CSMD1: variants seen among roughly 807,000 people sequenced by gnomAD.
CSMD1 encodes the protein CUB and Sushi multiple domains 1, also known as CUB and sushi domain-containing protein 1.
A neutral mutation model predicts 417.5 loss-of-function variants in CSMD1; 213 were observed. The observed-to-expected ratio is 0.51, with a 90% confidence interval of 0.46 to 0.57. CSMD1 has a LOEUF of 0.57. Among genes scored for constraint, CSMD1 ranks in the 20% least tolerant of loss-of-function variants. CSMD1 has a pLI of 0.00. For missense variants in CSMD1, 6,923 were observed against 4,529.7 expected, an observed-to-expected ratio of 1.53 and a Z score of -15.17; for synonymous variants, 2,862 against 1,736.8, an observed-to-expected ratio of 1.65 and a Z score of -16.11.
Position 4,682,442 on chromosome 8 carries a change from AT to A in CSMD1, c.86-44885del, listed in dbSNP as rs971735774. ...TTCAAATTTCGATGATTTGCTATGA[AT>A]TTTTTTTCATAGGAATAATATTTCT... is the stretch of plus-strand genomic sequence containing the variant. On this transcript the variant is annotated intron_variant, in intron 1 of 69. Coordinates refer to ENST00000635120, the MANE Select transcript of CSMD1 (RefSeq NM_033225.6). Among the ~76,000 whole-genome samples, 4 of 152,120 alleles carry A rather than the reference AT, an allele frequency of 2.6e-5. No homozygotes were observed. In the East Asian group the frequency reaches 5.8e-4, roughly 22 times the overall value.
intron 2 of CSMD1, among the ~76,000 whole-genome samples, chr8:4,439,682 C>T (rs1407661101): frequency 6.6e-6 from 1 of 152,082 alleles, no homozygotes; most frequent in African/African-American, 2.4e-5. Flanking sequence ...AAAATGTGTG[C>T]TTATTAAAGG....
intron 1 of CSMD1, among the ~76,000 whole-genome samples, chr8:4,776,591 C>A (rs1048254398): frequency 1.4e-4 from 21 of 152,058 alleles, no homozygotes; most frequent in African/African-American, 4.8e-4. Flanking sequence ...CATAAACGTT[C>A]GCGTTCAATG....
At chr8:4,465,300 G>T (rs762536171) in intron 2 of CSMD1, among the ~76,000 whole-genome samples, 1 of 152,122 alleles carries the variant, frequency 6.6e-6, no homozygotes, top group Non-Finnish European at 1.5e-5. Flanking sequence ...CCAGACACTA[G>T]GATGTCTTGG....
intron 5 of CSMD1, among the ~76,000 whole-genome samples, chr8:3,913,055 C>A (rs1225505663): frequency 1.3e-5 from 2 of 152,142 alleles, no homozygotes; most frequent in East Asian, 1.9e-4. Flanking sequence ...AGCAGCAGGG[C>A]AACATGGCAG....
intron 1 of CSMD1, among the ~76,000 whole-genome samples, chr8:4,966,339 A>G (rs1239491711): frequency 6.6e-6 from 1 of 152,126 alleles, no homozygotes; most frequent in Admixed American, 6.5e-5. Context: ...AGATCACACC[A>G]TTGCACTCCA....
intron 5 of CSMD1, among the ~76,000 whole-genome samples, chr8:3,897,536 TAA>T (rs1807447229): frequency 6.6e-6 from 1 of 152,124 alleles, no homozygotes; most frequent in East Asian, 1.9e-4. Context: ...GTGTACACTA[TAA>T]GTTATATAAA....
At chr8:3,300,958 C>CAA (rs374180480) in intron 25 of CSMD1, among the ~76,000 whole-genome samples, 8,427 of 49,318 alleles carry the variant, frequency 0.17, 971 homozygotes, top group East Asian at 0.23. Context: ...GACTCTGTCT[C>CAA]AAAAAAAAAA....
intron 1 of CSMD1, among the ~76,000 whole-genome samples, chr8:4,894,989 C>T (rs1804381819): frequency 1.3e-5 from 2 of 152,156 alleles, no homozygotes; most frequent in South Asian, 2.1e-4. Context: ...TTCTGATCTA[C>T]TGCCTTCGGC....
In CSMD1 at chr8:3,321,432, G is replaced by A. The variant is rs1476443038; in HGVS notation, c.3632-12929C>T. Among the ~76,000 whole-genome samples, 3 of 152,112 alleles carry A rather than the reference G, an allele frequency of 2.0e-5. No individual in the cohort carries two copies. In the East Asian group the frequency reaches 5.8e-4, roughly 29 times the overall value. ...CCTACCCTGCATATTCCTCCTGAAG[G>A]CTCTTCCTCCTCCCTGAATTTCCTG... On this transcript the variant is annotated intron_variant, in intron 23 of 69. Transcript: ENST00000635120.
intron 50 of CSMD1, among the ~76,000 whole-genome samples, chr8:3,034,565 T>C (rs957968244): frequency 6.6e-6 from 1 of 152,154 alleles, no homozygotes; most frequent in Non-Finnish European, 1.5e-5. Context: ...TGTACATATG[T>C]AATTTATATG....
chr8:4,556,117 C>T (rs1434785168), intron 2 of CSMD1, among the ~76,000 whole-genome samples: 11 of 152,024 alleles, frequency 7.2e-5, no homozygotes, highest in South Asian at 2.1e-4. Flanking sequence ...AACAAAATAA[C>T]GCAGACATTA....
chr8:3,927,761 G>C (rs968604198), intron 5 of CSMD1, among the ~76,000 whole-genome samples: 2 of 152,066 alleles, frequency 1.3e-5, no homozygotes, highest in Non-Finnish European at 2.9e-5. Flanking sequence ...TTGCGTATAA[G>C]CAGAACACTA....
intron 2 of CSMD1, among the ~76,000 whole-genome samples, chr8:4,521,164 G>C (rs1171495856): frequency 6.6e-6 from 1 of 151,928 alleles, no homozygotes; most frequent in African/African-American, 2.4e-5. Context: ...CTTACAAAAA[G>C]AACTAAATAA....
chr8:3,957,277 A>G (rs1323399034), intron 5 of CSMD1, among the ~76,000 whole-genome samples: 1 of 152,216 alleles, frequency 6.6e-6, no homozygotes, highest in Non-Finnish European at 1.5e-5. Flanking sequence ...GTGGGGATAC[A>G]TGTACTTTTG....
At chr8:4,037,836 A>C (rs1303965365) in intron 3 of CSMD1, among the ~76,000 whole-genome samples, 3 of 152,122 alleles carry the variant, frequency 2.0e-5, no homozygotes, top group East Asian at 1.9e-4. Flanking sequence ...ATAAATATTA[A>C]TATATTATAA....
chr8:3,898,145 A>G (rs1807491963), intron 5 of CSMD1, among the ~76,000 whole-genome samples: 1 of 152,166 alleles, frequency 6.6e-6, no homozygotes. Context: ...GCTGAGTCAA[A>G]GTGGAGTCAA....
chr8:3,508,424 T>A (rs868837501), intron 10 of CSMD1, among the ~76,000 whole-genome samples: 3 of 151,704 alleles, frequency 2.0e-5, no homozygotes, highest in Admixed American at 2.0e-4. Flanking sequence ...AGTTAATGGG[T>A]GCAGCACACC....
intron 3 of CSMD1, among the ~76,000 whole-genome samples, chr8:4,412,823 A>G (rs1231809698): frequency 1.3e-5 from 2 of 152,218 alleles, no homozygotes; most frequent in Non-Finnish European, 2.9e-5. Flanking sequence ...CTAGGCCTGT[A>G]TGTGAAACCA....
At chr8:4,310,272 T>C (rs959386037) in intron 3 of CSMD1, among the ~76,000 whole-genome samples, 1 of 152,160 alleles carries the variant, frequency 6.6e-6, no homozygotes, top group Non-Finnish European at 1.5e-5. Context: ...AGAACTGTTA[T>C]CATGGCTGCT....
Sources: allele counts gnomAD v4.1 joint callset (sites outside exome capture counted in the v4.1 genomes callset), GRCh38; gene constraint gnomAD v4.1.1; transcripts MANE v1.5; gene names NCBI Gene and HGNC (gene_info 2026-07-23, HGNC 2026-07-21).